The following CNTNAP2 variants were observed in gnomAD, a reference collection of about 807,000 sequenced individuals.
The protein encoded by CNTNAP2 is contactin associated protein 2.
CNTNAP2 carries 98 observed loss-of-function variants against 155.2 expected under a neutral mutation model. The ratio of observed to expected loss-of-function variants is 0.63; its 90% CI spans 0.54 to 0.75. CNTNAP2 has a LOEUF of 0.75. Ranked by LOEUF, CNTNAP2 falls within the 30% of genes least tolerant of loss-of-function variation. The probability of loss-of-function intolerance (pLI) is 0.00; values close to 1 mark genes in which losing one functional copy is unlikely to be tolerated. For missense variants in CNTNAP2, 1,727 were observed against 1,688.1 expected (o/e 1.02, Z -0.40); for synonymous variants, 651 against 631.2 (o/e 1.03, Z -0.47).
chr7:147,613,362 G>A (rs10254989), intron 12 of CNTNAP2, among the ~76,000 whole-genome samples: 99,812 of 152,026 alleles, frequency 0.66, 32,930 homozygotes, highest in Admixed American at 0.71. Flanking sequence ...ACTTGTAGAA[G>A]TTCTTTATGT....
At chr7:148,133,243 C>T (rs1237490089) in intron 16 of CNTNAP2, among the ~76,000 whole-genome samples, 1 of 152,006 alleles carries the variant, frequency 6.6e-6, no homozygotes, top group Non-Finnish European at 1.5e-5. Context: ...AGGCAGATAG[C>T]CTGAGGCCAC....
rs111868296 is a variant in CNTNAP2, at chr7:146,497,007, A to G, written c.98-277264A>G. On this transcript the variant is annotated intron_variant, in intron 1 of 23. Coordinates refer to ENST00000361727, the MANE Select transcript of CNTNAP2 (RefSeq NM_014141.6). ...GGGCATTAACCTCGAGGGAATACCA[A>G]GGTCCACAGTACATGTAATCTCCTT... 9.3e-3 allele frequency among the ~76,000 whole-genome samples: 1,416 copies of G among 152,296 alleles called. 23 individuals are homozygous for G. The highest frequency in any genetic ancestry group is 0.031 in the African/African-American group (1,307 of 41,550).
chr7:148,277,924 G>A (rs1006572743), intron 21 of CNTNAP2, among the ~76,000 whole-genome samples: 1 of 152,022 alleles, frequency 6.6e-6, no homozygotes, highest in Non-Finnish European at 1.5e-5. Context: ...TCAGCTAAGG[G>A]CCGAAGTTTC....
chr7:147,822,217 A>T (rs1048619784), intron 13 of CNTNAP2, among the ~76,000 whole-genome samples: 1 of 152,136 alleles, frequency 6.6e-6, no homozygotes, highest in African/African-American at 2.4e-5. Context: ...CTCCCAACAC[A>T]TGAAAGTGAA....
chr7:147,573,156 T>C (rs1343828218), intron 12 of CNTNAP2, among the ~76,000 whole-genome samples: 2 of 152,158 alleles, frequency 1.3e-5, no homozygotes, highest in Non-Finnish European at 2.9e-5. Context: ...CCCACATAAA[T>C]GATTGCTGCA....
intron 12 of CNTNAP2, among the ~76,000 whole-genome samples, chr7:147,614,115 G>A (rs539038223): frequency 6.6e-6 from 1 of 152,152 alleles, no homozygotes; most frequent in Non-Finnish European, 1.5e-5. Flanking sequence ...GGCTGTGCCT[G>A]TACCAAACCT....
chr7:146,387,141 G>A (rs1795472715), intron 1 of CNTNAP2, among the ~76,000 whole-genome samples: 1 of 152,218 alleles, frequency 6.6e-6, no homozygotes, highest in Non-Finnish European at 1.5e-5. Flanking sequence ...ACCAGCCCTT[G>A]ATCTTTGAGG....
intron 15 of CNTNAP2, among the ~76,000 whole-genome samples, chr7:148,076,388 A>G (rs563222867): frequency 7.0e-6 from 1 of 143,526 alleles, no homozygotes; most frequent in East Asian, 2.3e-4. Context: ...CAAAATGGAG[A>G]CACCCTGGTG....
chr7:147,326,782 G>A (rs767121466), intron 9 of CNTNAP2, among the ~76,000 whole-genome samples: 6 of 152,132 alleles, frequency 3.9e-5, no homozygotes, highest in South Asian at 2.1e-4. Context: ...GAGGTGAAAC[G>A]TATAGAAGTG....
intron 13 of CNTNAP2, among the ~76,000 whole-genome samples, chr7:147,836,355 G>A (rs1584981851): frequency 6.6e-6 from 1 of 151,986 alleles, no homozygotes; most frequent in Middle Eastern, 3.4e-3. Flanking sequence ...CCTTCCCCCA[G>A]TATTCCAGCC....
intron 12 of CNTNAP2, among the ~76,000 whole-genome samples, chr7:147,637,635 C>A (rs1206730942): frequency 6.6e-6 from 1 of 152,108 alleles, no homozygotes; most frequent in Non-Finnish European, 1.5e-5. Flanking sequence ...GCAGGGATTT[C>A]ATGGAGTATT....
intron 14 of CNTNAP2, among the ~76,000 whole-genome samples, chr7:147,951,276 C>T (rs894264312): frequency 1.3e-5 from 2 of 151,988 alleles, no homozygotes; most frequent in East Asian, 1.9e-4. Context: ...CACGTAAGAA[C>T]AACAGTAAGA....
chr7:147,549,537 C>A (rs762777482), intron 11 of CNTNAP2, among the ~76,000 whole-genome samples: 2 of 152,164 alleles, frequency 1.3e-5, no homozygotes, highest in Non-Finnish European at 2.9e-5. Flanking sequence ...AAAATCATGT[C>A]ATCTGCAAAC....
At chr7:146,585,101 GTGTTTTGTTTTGTTTTGTTTTGTTT>G (rs10677797) in intron 1 of CNTNAP2, among the ~76,000 whole-genome samples, 5 of 147,858 alleles carry the variant, frequency 3.4e-5, no homozygotes, top group African/African-American at 1.3e-4. Flanking sequence ...GAGTATCTTG[GTGTTTTGTTTTGTTTTGTTTTGTTT>G]TGTTTTGTTT....
chr7:146,137,490 T>C (rs1797814551), intron 1 of CNTNAP2, among the ~76,000 whole-genome samples: 4 of 152,124 alleles, frequency 2.6e-5, no homozygotes, highest in Admixed American at 6.6e-5. Context: ...CAAAGAAATA[T>C]TTAGGACTTG....
chr7:147,871,262 G>A (rs1219492941), intron 13 of CNTNAP2, among the ~76,000 whole-genome samples: 2 of 152,226 alleles, frequency 1.3e-5, no homozygotes, highest in East Asian at 3.9e-4. Context: ...AAGATGCCAG[G>A]GAAATTAGGT....
In CNTNAP2 at chr7:147,547,729, A is replaced by G. The variant is rs140532318; in HGVS notation, c.1778-14409A>G. Among the ~76,000 whole-genome samples, 50 of 151,830 alleles carry G rather than the reference A, an allele frequency of 3.3e-4. No homozygotes were observed. The East Asian group carries it at 9.2e-3, about 28-fold the overall frequency. ...TGTGCCATGGTGGTTTGCTGTACCT[A>G]TTGACCTATCCTCTAAGTTCCCTCC... On this transcript the variant is annotated intron_variant, in intron 11 of 23. Transcript: ENST00000361727.
chr7:148,098,536 A>AGAC (rs1804021935), intron 15 of CNTNAP2, among the ~76,000 whole-genome samples: 1 of 150,454 alleles, frequency 6.6e-6, no homozygotes, highest in African/African-American at 2.4e-5. Flanking sequence ...TCAGAGGCAG[A>AGAC]GACAAAATAT....
chr7:147,253,115 C>T (rs903015770), intron 8 of CNTNAP2, among the ~76,000 whole-genome samples: 5 of 152,158 alleles, frequency 3.3e-5, no homozygotes, highest in East Asian at 1.9e-4. Flanking sequence ...TAGTCCAGGT[C>T]GTTAAAACTT....
Sources: gnomAD v4.1 joint callset for allele counts (sites outside exome capture counted in the v4.1 genomes callset) on GRCh38, gnomAD v4.1.1 for gene constraint, MANE v1.5 for transcripts, NCBI Gene and HGNC (gene_info 2026-07-23, HGNC 2026-07-21) for gene names.